The following MECOM variants were observed in gnomAD, a reference collection of about 807,000 sequenced individuals.
The protein encoded by MECOM is MDS1 and EVI1 complex locus.
A neutral mutation model predicts 116.3 loss-of-function variants in MECOM; 13 were observed. The observed-to-expected ratio is 0.11, with a 90% CI of 0.07 to 0.18. MECOM has a LOEUF of 0.18. Ranked by LOEUF, MECOM falls within the 10% of genes least tolerant of loss-of-function variation. MECOM has a pLI of 1.00. For missense variants in MECOM, 1,299 were observed against 1,509.0 expected, an observed-to-expected ratio of 0.86 and a Z score of 2.31; for synonymous variants, 528 against 535.2, an observed-to-expected ratio of 0.99 and a Z score of 0.19.
rs1285826600 is a variant in MECOM, at chr3:169,116,518, C to T, written c.1354G>A (p.Asp452Asn). The change falls in exon 8 of 17, where the codon GAT (aspartate) becomes AAT (asparagine). Residue 452 changes from aspartate (D) to asparagine (N), a missense_variant. Physicochemically the swap from Asp to Asn is conservative, Grantham distance 23 (BLOSUM62 1). This residue lies in a region of MECOM where 238 missense variants were observed against 273.1 expected (regional missense o/e 0.87). Transcript: ENST00000651503. ...CTCATATTAACCATGGACGTTTTAT[C>T]CATAGCTGGGGTTCCAGGAAGTGAA... ...GISLPGTPAM[D>N]KTSMVNMSHA... 2 of 1,614,124 alleles carry T rather than the reference C, an allele frequency of 1.2e-6. No homozygotes were observed. Among genetic ancestry groups the T allele is most frequent in the East Asian group, 2.2e-5 (1 of 44,882 alleles).
intron 2 of MECOM, among the ~76,000 whole-genome samples, chr3:169,155,406 T>C (rs571140774): frequency 6.6e-6 from 1 of 152,246 alleles, no homozygotes; most frequent in South Asian, 2.1e-4. Flanking sequence ...TAAATAGTCA[T>C]TGGTTCAGTT....
At chr3:169,296,352 C>T (rs1039215907) in intron 2 of MECOM, among the ~76,000 whole-genome samples, 1 of 152,190 alleles carries the variant, frequency 6.6e-6, no homozygotes, top group Non-Finnish European at 1.5e-5. Flanking sequence ...AGAGCAAGAA[C>T]GCCAAAGAAA....
chr3:169,401,452 G>A (rs1313889253), intron 1 of MECOM, among the ~76,000 whole-genome samples: 1 of 152,104 alleles, frequency 6.6e-6, no homozygotes, highest in Non-Finnish European at 1.5e-5. Flanking sequence ...CACTGAATGT[G>A]GACTTTGGAA....
intron 1 of MECOM, among the ~76,000 whole-genome samples, chr3:169,643,444 T>C (rs1455468561): frequency 1.3e-5 from 2 of 152,202 alleles, no homozygotes; most frequent in East Asian, 3.8e-4. Flanking sequence ...CTGCTGCACA[T>C]CTGTTTTTCT....
At chr3:169,292,230 C>T (rs1231905402) in intron 2 of MECOM, among the ~76,000 whole-genome samples, 1 of 152,002 alleles carries the variant, frequency 6.6e-6, no homozygotes, top group South Asian at 2.1e-4. Flanking sequence ...GTAATCCCAG[C>T]TACTCGGGCC....
chr3:169,405,679 C>A (rs746949852), intron 1 of MECOM, among the ~76,000 whole-genome samples: 2 of 152,228 alleles, frequency 1.3e-5, no homozygotes, highest in Non-Finnish European at 1.5e-5. Flanking sequence ...TTAGTACTTT[C>A]TAATACTTAC....
At chr3:169,594,176 A>AAAAAAAAAAAAAAAAAAAAAAC (rs1553894631) in intron 1 of MECOM, among the ~76,000 whole-genome samples, 6 of 139,808 alleles carry the variant, frequency 4.3e-5, no homozygotes, top group African/African-American at 8.5e-5. Flanking sequence ...AAAAAAAAAA[A>AAAAAAAAAAAAAAAAAAAAAAC]CACCTTTTCA....
At chr3:169,485,476 A>G (rs1037781448) in intron 1 of MECOM, among the ~76,000 whole-genome samples, 2 of 152,134 alleles carry the variant, frequency 1.3e-5, no homozygotes, top group African/African-American at 2.4e-5. Context: ...AAATTTACCA[A>G]CTAAAAAGAG....
intron 1 of MECOM, among the ~76,000 whole-genome samples, chr3:169,657,266 G>T (rs2110110884): frequency 6.6e-6 from 1 of 152,250 alleles, no homozygotes; most frequent in Non-Finnish European, 1.5e-5. Flanking sequence ...ACTTAGTTGG[G>T]GTTTTTATTA....
chr3:169,517,548 T>C (rs1411344008), intron 1 of MECOM, among the ~76,000 whole-genome samples: 1 of 152,194 alleles, frequency 6.6e-6, no homozygotes, highest in Non-Finnish European at 1.5e-5. Flanking sequence ...TTAGACTATT[T>C]CTAATAGACT....
At chr3:169,132,406 T>G (rs9811922) in intron 3 of MECOM, among the ~76,000 whole-genome samples, 26,205 of 152,138 alleles carry the variant, frequency 0.17, 3,670 homozygotes, top group African/African-American at 0.39. Flanking sequence ...GGTTTTTTGT[T>G]TTTTGGTTTT....
chr3:169,175,776 G>A (rs969281532), intron 2 of MECOM, among the ~76,000 whole-genome samples: 7 of 152,096 alleles, frequency 4.6e-5, no homozygotes, highest in Non-Finnish European at 1.0e-4. Context: ...AAGATGGGTA[G>A]GTACTCAATA....
chr3:169,367,621 G>T (rs1157209211), intron 2 of MECOM, among the ~76,000 whole-genome samples: 1 of 151,952 alleles, frequency 6.6e-6, no homozygotes, highest in Non-Finnish European at 1.5e-5. Context: ...GACATTCTAT[G>T]GCTGACTTCC....
intron 1 of MECOM, among the ~76,000 whole-genome samples, chr3:169,436,750 GATAA>G (rs544499273): frequency 6.6e-6 from 1 of 152,174 alleles, no homozygotes; most frequent in South Asian, 2.1e-4. Flanking sequence ...GACTGAATTG[GATAA>G]ATATTCAATG....
At chr3:169,439,285 T>C (rs145011358) in intron 1 of MECOM, among the ~76,000 whole-genome samples, 1,860 of 147,458 alleles carry the variant, frequency 0.013, 27 homozygotes, top group Admixed American at 0.019. Flanking sequence ...AGGAAAGATA[T>C]TTAAAAATAT....
intron 2 of MECOM, among the ~76,000 whole-genome samples, chr3:169,336,872 C>T (rs1230223688): frequency 2.0e-5 from 3 of 152,032 alleles, no homozygotes; most frequent in African/African-American, 7.2e-5. Flanking sequence ...AATCAAGGAT[C>T]CATAAAAGGC....
intron 2 of MECOM, among the ~76,000 whole-genome samples, chr3:169,214,719 G>C (rs1423323241): frequency 6.6e-6 from 1 of 150,464 alleles, no homozygotes; most frequent in Non-Finnish European, 1.5e-5. Context: ...CCAACAAACT[G>C]ATTATTATTT....
intron 1 of MECOM, among the ~76,000 whole-genome samples, chr3:169,561,793 A>G (rs145746330): frequency 8.5e-4 from 130 of 152,318 alleles, no homozygotes; most frequent in African/African-American, 3.1e-3. Context: ...GCAGATACAT[A>G]GGTGTCCATT....
chr3:169,365,725 G>A (rs967394403), intron 2 of MECOM, among the ~76,000 whole-genome samples: 4 of 151,888 alleles, frequency 2.6e-5, no homozygotes, highest in Non-Finnish European at 4.4e-5. Context: ...GAGAGGTGTG[G>A]GAGTCCAGAG....
Sources: allele counts gnomAD v4.1 joint callset (sites outside exome capture counted in the v4.1 genomes callset), GRCh38; gene constraint gnomAD v4.1.1; regional missense constraint gnomAD v4.1.1; transcripts MANE v1.5; gene names NCBI Gene and HGNC (gene_info 2026-07-23, HGNC 2026-07-21).